The following SPAG16 variants were observed in gnomAD, a reference collection of about 807,000 sequenced individuals.
SPAG16 encodes the protein sperm associated antigen 16.
A neutral mutation model predicts 80.4 loss-of-function variants in SPAG16; 86 were observed. The ratio of observed to expected loss-of-function variants is 1.07; its 90% CI spans 0.90 to 1.28. The LOEUF is 1.28. Among genes scored for constraint, SPAG16 ranks in the 50% most tolerant of loss-of-function variants. The probability of loss-of-function intolerance (pLI) is 0.00; values close to 1 mark genes in which losing one functional copy is unlikely to be tolerated. For missense variants in SPAG16, 870 were observed against 765.3 expected, an observed-to-expected ratio of 1.14 and a Z score of -1.61; for synonymous variants, 294 against 265.9, an observed-to-expected ratio of 1.11 and a Z score of -1.03.
At chr2:214,357,097 T>C (rs1456558615) in intron 15 of SPAG16, among the ~76,000 whole-genome samples, 2 of 151,974 alleles carry the variant, frequency 1.3e-5, no homozygotes, top group African/African-American at 2.4e-5. Flanking sequence ...TATGGAGATA[T>C]CACTTTTAAT....
At chr2:213,542,086 A>G (rs999705338) in intron 10 of SPAG16, among the ~76,000 whole-genome samples, 9 of 152,218 alleles carry the variant, frequency 5.9e-5, no homozygotes, top group African/African-American at 2.2e-4. Context: ...TAGTTTGATG[A>G]GAATTTTTTT....
chr2:214,308,348 C>A (rs1576741051), intron 15 of SPAG16, among the ~76,000 whole-genome samples: 1 of 152,076 alleles, frequency 6.6e-6, no homozygotes, highest in Admixed American at 6.6e-5. Flanking sequence ...TCCAGCTTGC[C>A]ACTCTATGTC....
At chr2:213,350,090 A>G (rs1181211798) in intron 6 of SPAG16, among the ~76,000 whole-genome samples, 2 of 152,200 alleles carry the variant, frequency 1.3e-5, no homozygotes, top group African/African-American at 4.8e-5. Context: ...TTAAAATACA[A>G]GATTAGCCAA....
chr2:213,536,399 G>A (rs971635164), intron 10 of SPAG16, among the ~76,000 whole-genome samples: 2 of 152,082 alleles, frequency 1.3e-5, no homozygotes, highest in South Asian at 2.1e-4. Flanking sequence ...CTGAGGAATC[G>A]CCACACTGAC....
At chr2:213,806,988 T>C (rs2071807655) in intron 10 of SPAG16, among the ~76,000 whole-genome samples, 1 of 152,196 alleles carries the variant, frequency 6.6e-6, no homozygotes, top group Non-Finnish European at 1.5e-5. Flanking sequence ...ATTCACATTT[T>C]TGTTGTGTTG....
intron 10 of SPAG16, among the ~76,000 whole-genome samples, chr2:213,524,975 G>C (rs1158148661): frequency 6.6e-6 from 1 of 152,080 alleles, no homozygotes; most frequent in African/African-American, 2.4e-5. Flanking sequence ...TGGTTTGGCT[G>C]TTTCCCCACC....
chr2:213,764,361 G>A (rs1293577659), intron 10 of SPAG16, among the ~76,000 whole-genome samples: 1 of 151,402 alleles, frequency 6.6e-6, no homozygotes, highest in Non-Finnish European at 1.5e-5. Flanking sequence ...GGTGACATTA[G>A]GAACATTCAG....
At chr2:214,195,473 G>A (rs546016063) in intron 15 of SPAG16, among the ~76,000 whole-genome samples, 90 of 152,124 alleles carry the variant, frequency 5.9e-4, no homozygotes, top group African/African-American at 2.2e-3. Context: ...CCACTGATGG[G>A]GCTGTAATAG....
rs1436840709 is a variant in SPAG16, at chr2:214,398,644, C to G, written c.1721-11496C>G. Among the ~76,000 whole-genome samples, 6 of 152,162 alleles carry G rather than the reference C, an allele frequency of 3.9e-5. No homozygotes were observed. The South Asian group carries it at 8.3e-4, about 21-fold the overall frequency. On this transcript the variant is annotated intron_variant, in intron 15 of 15. Coordinates refer to ENST00000331683, the MANE Select transcript of SPAG16 (RefSeq NM_024532.5). The stretch of plus-strand genomic sequence containing the variant: ...TTTAAATTTTCTATGAGATATAAAG[C>G]CAGGTCATCGGAATGTAATATTATA...
At chr2:213,466,363 G>T (rs936493819) in intron 9 of SPAG16, among the ~76,000 whole-genome samples, 23 of 152,182 alleles carry the variant, frequency 1.5e-4, no homozygotes, top group Non-Finnish European at 2.6e-4. Flanking sequence ...TGTGCCTCAA[G>T]CAAGGCTTGT....
At chr2:213,307,809 A>G (rs867589766) in intron 3 of SPAG16, among the ~76,000 whole-genome samples, 2 of 152,044 alleles carry the variant, frequency 1.3e-5, no homozygotes, top group Admixed American at 6.6e-5. Flanking sequence ...CCAACAGTGT[A>G]AAAGTGTTCC....
chr2:214,039,797 A>C (rs997548384), intron 13 of SPAG16, among the ~76,000 whole-genome samples: 1 of 152,232 alleles, frequency 6.6e-6, no homozygotes, highest in Admixed American at 6.5e-5. Flanking sequence ...AGTTTAATAC[A>C]CATGAAGCTG....
At chr2:213,840,285 C>A (rs2074302800) in intron 10 of SPAG16, among the ~76,000 whole-genome samples, 1 of 152,042 alleles carries the variant, frequency 6.6e-6, no homozygotes. Context: ...ATAATTGAGA[C>A]AAAACCATCC....
intron 9 of SPAG16, among the ~76,000 whole-genome samples, chr2:213,466,495 A>G (rs553920408): frequency 5.9e-5 from 9 of 152,184 alleles, no homozygotes; most frequent in Non-Finnish European, 1.0e-4. Context: ...CCAGGTGTCC[A>G]TAATCTGCAG....
At chr2:214,100,028 G>A (rs1472185603) in intron 13 of SPAG16, among the ~76,000 whole-genome samples, 1 of 151,982 alleles carries the variant, frequency 6.6e-6, no homozygotes, top group African/African-American at 2.4e-5. Flanking sequence ...ATGTGTCGAG[G>A]GGAGACCTGG....
intron 10 of SPAG16, among the ~76,000 whole-genome samples, chr2:213,498,606 G>A (rs1292208588): frequency 6.6e-6 from 1 of 152,042 alleles, no homozygotes; most frequent in Non-Finnish European, 1.5e-5. Context: ...TTAATTCAGA[G>A]TACCTCATGA....
At chr2:213,342,336 T>C (rs1207147413) in intron 6 of SPAG16, among the ~76,000 whole-genome samples, 7 of 7,530 alleles carry the variant, frequency 9.3e-4, no homozygotes, top group African/African-American at 1.6e-3. Context: ...TGTGTATATA[T>C]ATATTACATA....
At chr2:214,330,569 G>A (rs73087055) in intron 15 of SPAG16, among the ~76,000 whole-genome samples, 1,529 of 152,308 alleles carry the variant, frequency 0.01, 21 homozygotes, top group African/African-American at 0.035. Flanking sequence ...GGCAACAGAA[G>A]CTCAGTTGAT....
intron 10 of SPAG16, among the ~76,000 whole-genome samples, chr2:213,736,849 C>T (rs895321988): frequency 4.6e-5 from 7 of 151,744 alleles, no homozygotes; most frequent in Admixed American, 6.6e-5. Context: ...GGATTACAGG[C>T]GCGCACCACC....
Sources: allele counts gnomAD v4.1 joint callset (sites outside exome capture counted in the v4.1 genomes callset), GRCh38; gene constraint gnomAD v4.1.1; transcripts MANE v1.5; gene names NCBI Gene and HGNC (gene_info 2026-07-23, HGNC 2026-07-21).